Variants in KCNK2 observed in about 807,000 individuals in gnomAD.
KCNK2 encodes the protein potassium two pore domain channel subfamily K member 2, also known as potassium channel subfamily K member 2.
Under a neutral mutation model 40.5 loss-of-function variants are expected in KCNK2, and 21 were observed. The ratio of observed to expected loss-of-function variants is 0.52; its 90% CI spans 0.37 to 0.75. KCNK2 has a LOEUF of 0.75. KCNK2 is among the 30% of genes least tolerant of loss of function. The pLI is 0.00. For synonymous variants in KCNK2, 191 were observed against 202.2 expected (o/e 0.94, Z 0.47); for missense variants, 399 against 531.6 (o/e 0.75, Z 2.45).
At chr1:215,093,796 TA>T (rs371903332) in intron 2 of KCNK2, among the ~76,000 whole-genome samples, 293 of 11,720 alleles carry the variant, frequency 0.025, 33 homozygotes, top group Middle Eastern at 0.11. Flanking sequence ...ATATATTATA[TA>T]ATATAAAATA....
At chr1:215,209,986 A>C (rs1458892214) in intron 6 of KCNK2, among the ~76,000 whole-genome samples, 1 of 5,998 alleles carries the variant, frequency 1.7e-4, no homozygotes, top group Non-Finnish European at 2.3e-3. Flanking sequence ...TATATTATAT[A>C]TAATATATAA....
intron 1 of KCNK2, among the ~76,000 whole-genome samples, chr1:215,012,634 G>C (rs1332809970): frequency 7.1e-6 from 1 of 141,286 alleles, no homozygotes. Context: ...ACCACACCCA[G>C]CTAATTTTTT....
intron 2 of KCNK2, among the ~76,000 whole-genome samples, chr1:215,089,089 A>G (rs1659583234): frequency 6.6e-6 from 1 of 152,216 alleles, no homozygotes; most frequent in South Asian, 2.1e-4. Context: ...CAATAATCAT[A>G]TATTAGAATT....
chr1:215,062,036 A>G (rs1369192843), intron 1 of KCNK2, among the ~76,000 whole-genome samples: 1 of 152,226 alleles, frequency 6.6e-6, no homozygotes, highest in Non-Finnish European at 1.5e-5. Flanking sequence ...AGTAATTTGT[A>G]ATATAATAAT....
chr1:215,036,104 A>T (rs1246416371), intron 1 of KCNK2, among the ~76,000 whole-genome samples: 1 of 149,416 alleles, frequency 6.7e-6, no homozygotes, highest in African/African-American at 2.4e-5. Flanking sequence ...ATCTTTGCCT[A>T]CTTCAATGTT....
chr1:215,124,353 T>G (rs1433343215), intron 2 of KCNK2, among the ~76,000 whole-genome samples: 1 of 152,200 alleles, frequency 6.6e-6, no homozygotes, highest in African/African-American at 2.4e-5. Flanking sequence ...AATAAGTCAT[T>G]AAATATGTTA....
chr1:215,058,058 T>C (rs1658230174), intron 1 of KCNK2, among the ~76,000 whole-genome samples: 1 of 151,968 alleles, frequency 6.6e-6, no homozygotes, highest in Non-Finnish European at 1.5e-5. Context: ...AGTGGGAAAG[T>C]AGACTATGAG....
intron 6 of KCNK2, among the ~76,000 whole-genome samples, chr1:215,197,025 A>G (rs1217366747): frequency 6.6e-6 from 1 of 152,192 alleles, no homozygotes. Flanking sequence ...TAAACTATGT[A>G]TTATATACAT....
chr1:215,136,437 A>G (rs1322752722), intron 3 of KCNK2, among the ~76,000 whole-genome samples: 1 of 152,130 alleles, frequency 6.6e-6, no homozygotes, highest in Non-Finnish European at 1.5e-5. Flanking sequence ...TATTTCTTTT[A>G]ATTAACCAAG....
chr1:215,069,396 A>G (rs940931322), intron 1 of KCNK2, among the ~76,000 whole-genome samples: 1 of 152,122 alleles, frequency 6.6e-6, no homozygotes, highest in Non-Finnish European at 1.5e-5. Context: ...GAATTACCTG[A>G]TTACTTCCTG....
chr1:215,184,861 A>G (rs937160079), intron 5 of KCNK2, among the ~76,000 whole-genome samples: 1 of 152,142 alleles, frequency 6.6e-6, no homozygotes, highest in African/African-American at 2.4e-5. Context: ...TGTGGCCCTC[A>G]TGATCTGAGA....
At chr1:215,098,306 G>A (rs1660068417) in intron 2 of KCNK2, among the ~76,000 whole-genome samples, 1 of 151,652 alleles carries the variant, frequency 6.6e-6, no homozygotes, top group South Asian at 2.1e-4. Context: ...TAGTGATATT[G>A]GCATTGTTTA....
intron 1 of KCNK2, among the ~76,000 whole-genome samples, chr1:215,007,207 A>ATG (rs1558054306): frequency 3.6e-5 from 4 of 111,422 alleles, no homozygotes; most frequent in African/African-American, 1.7e-4. Context: ...ATATATATAT[A>ATG]TATATATATA....
chr1:215,190,333 T>C (rs887546612), intron 5 of KCNK2, among the ~76,000 whole-genome samples: 3 of 152,110 alleles, frequency 2.0e-5, no homozygotes, highest in African/African-American at 7.2e-5. Context: ...AGAAGAGGCA[T>C]GCCTTGTGCA....
intron 1 of KCNK2, among the ~76,000 whole-genome samples, chr1:215,076,265 A>G (rs1436608141): frequency 6.6e-6 from 1 of 152,250 alleles, no homozygotes; most frequent in Non-Finnish European, 1.5e-5. Context: ...TAGAGGTTGT[A>G]TTAGTTATCT....
At chr1:215,198,360 A>G (rs568956697) in intron 6 of KCNK2, among the ~76,000 whole-genome samples, 33 of 152,292 alleles carry the variant, frequency 2.2e-4, no homozygotes, top group African/African-American at 7.9e-4. Flanking sequence ...TTTCTGATTT[A>G]TAATGTAATT....
At chr1:215,198,960 G>A (rs1209590178) in intron 6 of KCNK2, among the ~76,000 whole-genome samples, 1 of 152,108 alleles carries the variant, frequency 6.6e-6, no homozygotes, top group African/African-American at 2.4e-5. Context: ...ACAGGTTTAA[G>A]TGTGAAAATA....
chr1:215,084,045 A>T (rs1327179356), intron 1 of KCNK2, among the ~76,000 whole-genome samples: 1 of 152,196 alleles, frequency 6.6e-6, no homozygotes, highest in Admixed American at 6.5e-5. Flanking sequence ...TTTATTTTTT[A>T]AAAATATTAT....
intron 5 of KCNK2, among the ~76,000 whole-genome samples, chr1:215,175,525 G>T (rs1309959463): frequency 6.6e-6 from 1 of 151,764 alleles, no homozygotes; most frequent in Non-Finnish European, 1.5e-5. Context: ...AGATATGGTG[G>T]TGTATGTGCA....
Sources: allele counts gnomAD v4.1 joint callset (sites outside exome capture counted in the v4.1 genomes callset), GRCh38; gene constraint gnomAD v4.1.1; transcripts MANE v1.5; gene names NCBI Gene and HGNC (gene_info 2026-07-23, HGNC 2026-07-21).